ATR: variants seen among roughly 807,000 people sequenced by gnomAD.
ATR encodes the protein serine/threonine-protein kinase ATR.
In ATR, 142 loss-of-function variants were observed where a neutral mutation model predicts 305.3. The ratio of observed to expected loss-of-function variants is 0.47; its 90% CI spans 0.41 to 0.53. ATR has a LOEUF of 0.53. ATR is among the 20% of genes least tolerant of loss of function. The pLI, the probability that ATR is intolerant of heterozygous loss-of-function variation, is 0.00. For missense variants in ATR, 2,135 were observed against 3,133.1 expected, an observed-to-expected ratio of 0.68 and a Z score of 7.60; for synonymous variants, 1,050 against 1,068.1, an observed-to-expected ratio of 0.98 and a Z score of 0.33.
At chr3:142,539,686 T>A (rs1363939883) in intron 18 of ATR, among the ~76,000 whole-genome samples, 1 of 152,122 alleles carries the variant, frequency 6.6e-6, no homozygotes, top group Non-Finnish European at 1.5e-5. Flanking sequence ...CTCAAACTCC[T>A]GGCCTCAAAT....
Position 142,556,571 on chromosome 3 carries a change from T to G in ATR, c.1890A>C (p.Pro630=), listed in dbSNP as rs1326434635. The change falls in exon 9 of 47, where the codon CCA becomes CCC. Residue 630 remains proline (P), a synonymous_variant. Transcript: ENST00000350721. ...LSCRISDSYS[P]QAQSRCVFLL... ...GAAACACACATCGTGATTGTGCCTG[T>G]GGTGCTGAAAAAATTAAGTCTATTA... 6 of 1,613,986 alleles carry G rather than the reference T, an allele frequency of 3.7e-6. No homozygotes were observed. The highest frequency in any genetic ancestry group is 2.2e-5 in the South Asian group (2 of 91,056).
At chr3:142,490,758 A>T (rs1278543555) in intron 35 of ATR, among the ~76,000 whole-genome samples, 1 of 152,198 alleles carries the variant, frequency 6.6e-6, no homozygotes, top group Non-Finnish European at 1.5e-5. Flanking sequence ...TTCTGCTTGT[A>T]AATGGTATGT....
At chr3:142,489,731 TC>T (rs570598668) in intron 35 of ATR, among the ~76,000 whole-genome samples, 153 of 152,328 alleles carry the variant, frequency 1.0e-3, no homozygotes, top group Non-Finnish European at 1.6e-3. Context: ...CTGGCCTATT[TC>T]CAGTTTTTGT....
At chr3:142,513,083 T>C (rs2032659840) in intron 26 of ATR, among the ~76,000 whole-genome samples, 1 of 151,970 alleles carries the variant, frequency 6.6e-6, no homozygotes, top group Non-Finnish European at 1.5e-5. Flanking sequence ...AAGTTCAGAG[T>C]AATTGAAGAC....
At chr3:142,570,648 A>C (rs536552728) in intron 1 of ATR, among the ~76,000 whole-genome samples, 7 of 152,338 alleles carry the variant, frequency 4.6e-5, no homozygotes, top group Non-Finnish European at 8.8e-5. Flanking sequence ...TTGGCCTCCC[A>C]AAGTGCTGGG....
At chr3:142,570,749 C>G (rs1395627284) in intron 1 of ATR, among the ~76,000 whole-genome samples, 1 of 152,094 alleles carries the variant, frequency 6.6e-6, no homozygotes, top group East Asian at 1.9e-4. Flanking sequence ...TATTTGTATG[C>G]CTTTTGGACT....
At chr3:142,461,511 T>G (rs2071023282) in intron 42 of ATR, among the ~76,000 whole-genome samples, 1 of 152,182 alleles carries the variant, frequency 6.6e-6, no homozygotes, top group African/African-American at 2.4e-5. Flanking sequence ...TTTGGACAGT[T>G]GGAGCCTCTT....
intron 36 of ATR, among the ~76,000 whole-genome samples, chr3:142,477,617 A>G (rs1372390674): frequency 6.6e-6 from 1 of 152,236 alleles, no homozygotes; most frequent in Non-Finnish European, 1.5e-5. Flanking sequence ...AAAATGAGTT[A>G]GGGAGGACTC....
chr3:142,504,234 T>C (rs2032123064), intron 29 of ATR, among the ~76,000 whole-genome samples: 2 of 152,182 alleles, frequency 1.3e-5, no homozygotes, highest in South Asian at 2.1e-4. Context: ...TACAGGACCA[T>C]TTTAGAGACG....
intron 24 of ATR, among the ~76,000 whole-genome samples, chr3:142,517,086 G>GA (rs956982293): frequency 2.7e-5 from 4 of 150,406 alleles, no homozygotes; most frequent in African/African-American, 7.3e-5. Context: ...TAAACCAGGA[G>GA]AAAAAATTCA....
chr3:142,470,271 T>A, intron 36 of ATR, 88 bp from the exon 37 acceptor site: 1 of 1,132,042 alleles, frequency 8.8e-7, no homozygotes, highest in Non-Finnish European at 1.3e-6. Flanking sequence ...AACTACCACA[T>A]ACCGTTTTCA....
At chr3:142,556,253 G>A in intron 9 of ATR, 114 bp from the exon 10 acceptor site, 2 of 1,497,848 alleles carry the variant, frequency 1.3e-6, no homozygotes, top group Non-Finnish European at 1.8e-6. Flanking sequence ...AGGAAAAAAT[G>A]TTAAATTCTA....
chr3:142,482,833 TAAAA>T (rs75409897), intron 36 of ATR, among the ~76,000 whole-genome samples: 1 of 137,068 alleles, frequency 7.3e-6, no homozygotes, highest in Non-Finnish European at 1.6e-5. Context: ...CTTTGTCAAT[TAAAA>T]AAAAAAAAAA....
At chr3:142,531,781 T>C (rs926865757) in intron 21 of ATR, among the ~76,000 whole-genome samples, 5 of 152,264 alleles carry the variant, frequency 3.3e-5, no homozygotes, top group African/African-American at 9.6e-5. Flanking sequence ...AGTAATGGGA[T>C]GGCTGGGTCA....
Position 142,562,717 on chromosome 3 carries a change from G to GT in ATR, c.684dup (p.Leu229ThrfsTer13), listed in dbSNP as rs2034926909. ...AGCAGAACACAACCTATCTGCCAAA[G>GT]TAAGAGTTCTTGCCTTCTAAAAAAC... On this transcript the variant is annotated frameshift_variant, in exon 4 of 47. Transcript: ENST00000350721. LOFTEE classifies it high-confidence loss of function. The GT allele has an allele frequency of 1.9e-6, 3 of 1,613,894 alleles. No homozygotes were observed. The highest frequency in any genetic ancestry group is 2.7e-5 in the African/African-American group (2 of 74,922).
chr3:142,483,879 A>G (rs1258832024), intron 36 of ATR, among the ~76,000 whole-genome samples: 1 of 151,082 alleles, frequency 6.6e-6, no homozygotes, highest in Non-Finnish European at 1.5e-5. Flanking sequence ...AATAAAATAT[A>G]TATATATATA....
chr3:142,518,163 A>T (rs1319048285), intron 24 of ATR, among the ~76,000 whole-genome samples: 1 of 152,150 alleles, frequency 6.6e-6, no homozygotes, highest in Admixed American at 6.5e-5. Context: ...AAAATGGGGG[A>T]AGTATGGAGT....
intron 36 of ATR, among the ~76,000 whole-genome samples, chr3:142,482,887 C>T (rs2030617079): frequency 6.6e-6 from 1 of 151,012 alleles, no homozygotes; most frequent in South Asian, 2.1e-4. Flanking sequence ...TTTTGCTACC[C>T]TAATACCATT....
chr3:142,515,148 T>C lies in ATR; in HGVS notation c.4503+247A>G, dbSNP rs6791816. On this transcript the variant is annotated intron_variant, in intron 25 of 46. Transcript: ENST00000350721. ...TATTTTACAATATAAAAGGAATAAA[T>C]GTAATTTTACACACACATTAAGACC... Among the ~76,000 whole-genome samples, 95,785 of 151,968 alleles carry C rather than the reference T, an allele frequency of 0.63. 31,128 individuals carry two copies. Among genetic ancestry groups the C allele is most frequent in the African/African-American group, 0.79 (32,938 of 41,446 alleles).
Sources: gnomAD v4.1 joint callset for allele counts (sites outside exome capture counted in the v4.1 genomes callset) on GRCh38, gnomAD v4.1.1 for gene constraint, MANE v1.5 for transcripts, NCBI Gene and HGNC (gene_info 2026-07-23, HGNC 2026-07-21) for gene names.